Variants in MYRIP observed in about 807,000 individuals in gnomAD.
MYRIP encodes myosin VIIA and Rab interacting protein.
Under a neutral mutation model 98.0 loss-of-function variants are expected in MYRIP, and 49 were observed. The ratio of observed to expected loss-of-function variants is 0.50; its 90% CI spans 0.40 to 0.63. The LOEUF is 0.63. Ranked by LOEUF, MYRIP falls within the 30% of genes least tolerant of loss-of-function variation. The pLI is 0.00. For missense variants in MYRIP, 1,004 were observed against 1,058.2 expected (o/e 0.95, Z 0.71); for synonymous variants, 404 against 409.5 (o/e 0.99, Z 0.16).
chr3:40,042,868 G>C (rs568629285), intron 2 of MYRIP, among the ~76,000 whole-genome samples: 26 of 152,228 alleles, frequency 1.7e-4, no homozygotes, highest in Non-Finnish European at 8.8e-5. Flanking sequence ...GCTTAGCCCA[G>C]CCAACTTAAA....
intron 1 of MYRIP, among the ~76,000 whole-genome samples, chr3:39,817,580 CA>C (rs1338478570): frequency 2.6e-5 from 4 of 152,034 alleles, no homozygotes; most frequent in Non-Finnish European, 5.9e-5. Flanking sequence ...TTCAGTATAT[CA>C]AATATACTTT....
rs533286924 is a variant in MYRIP at position 39,969,550 on chromosome 3, G to A, written c.110+68624G>A. Among the ~76,000 whole-genome samples, 11 of 152,174 alleles carry A rather than the reference G, an allele frequency of 7.2e-5. No individual in the cohort carries two copies. The South Asian group carries it at 2.3e-3, about 32-fold the overall frequency. ...ATATGAAGGGGTATTGAATTTTATT[G>A]AAAGCTTTTTCTGGGTCTATTGAGA... On this transcript the variant is annotated intron_variant, in intron 2 of 16. Transcript: ENST00000302541.
intron 2 of MYRIP, among the ~76,000 whole-genome samples, chr3:40,039,651 A>G (rs1947465785): frequency 2.0e-5 from 3 of 152,140 alleles, no homozygotes; most frequent in Admixed American, 2.0e-4. Context: ...TTTAACTAGA[A>G]GAGGTTACGA....
intron 11 of MYRIP, among the ~76,000 whole-genome samples, chr3:40,232,608 C>T (rs1559467866): frequency 6.6e-6 from 1 of 152,150 alleles, no homozygotes; most frequent in Non-Finnish European, 1.5e-5. Context: ...TTCTAATTTA[C>T]AAATGATGTG....
chr3:39,868,837 TC>T (rs1942700538), intron 1 of MYRIP, among the ~76,000 whole-genome samples: 2 of 152,162 alleles, frequency 1.3e-5, no homozygotes, highest in Non-Finnish European at 2.9e-5. Context: ...GGGTTGATAG[TC>T]TTTTTCTTTC....
chr3:40,228,482 C>G (rs911796291), intron 11 of MYRIP, among the ~76,000 whole-genome samples: 1 of 152,196 alleles, frequency 6.6e-6, no homozygotes, highest in South Asian at 2.1e-4. Flanking sequence ...GGTAAGGAGG[C>G]CCTTCACAAG....
intron 1 of MYRIP, among the ~76,000 whole-genome samples, chr3:39,870,531 T>G (rs1160865502): frequency 1.3e-5 from 2 of 152,230 alleles, no homozygotes; most frequent in Non-Finnish European, 2.9e-5. Context: ...TTTTTCTTTT[T>G]TTTTGGGTTT....
At chr3:40,166,595 G>A (rs1950504729) in intron 5 of MYRIP, among the ~76,000 whole-genome samples, 1 of 152,150 alleles carries the variant, frequency 6.6e-6, no homozygotes, top group Non-Finnish European at 1.5e-5. Context: ...TGGAGCAAGA[G>A]TCTAGGAGGG....
At chr3:40,142,017 C>T (rs950869145) in intron 3 of MYRIP, among the ~76,000 whole-genome samples, 1 of 147,996 alleles carries the variant, frequency 6.8e-6, no homozygotes. Flanking sequence ...TGCATTGAAC[C>T]TATAGATTGC....
In MYRIP at chr3:40,211,461, C is replaced by A. The variant is rs60359196; in HGVS notation, c.1905+1368C>A. Among the ~76,000 whole-genome samples the A allele has an allele frequency of 5.4e-3, 826 of 152,278 alleles. 1 individual carries two copies. Among genetic ancestry groups the A allele is most frequent in the African/African-American group, 0.018 (751 of 41,546 alleles). On this transcript the variant is annotated intron_variant, in intron 11 of 16. Transcript: ENST00000302541. ...ACTTTTCCCATCCCACCCTCCATAA[C>A]CATCAAGTCCTCACCCATAAATCTT...
At chr3:39,986,325 C>T (rs11720571) in intron 2 of MYRIP, among the ~76,000 whole-genome samples, 76,472 of 151,840 alleles carry the variant, frequency 0.5, 20,986 homozygotes, top group African/African-American at 0.75. Flanking sequence ...CTTCTTTTCC[C>T]AGTTTATTGA....
At chr3:39,895,245 G>A (rs1184786967) in intron 1 of MYRIP, among the ~76,000 whole-genome samples, 3 of 151,392 alleles carry the variant, frequency 2.0e-5, no homozygotes, top group Non-Finnish European at 4.4e-5. Context: ...GAAGTGCAGT[G>A]GCGCGATCTC....
At chr3:39,957,214 G>C (rs139786980) in intron 2 of MYRIP, among the ~76,000 whole-genome samples, 3 of 151,720 alleles carry the variant, frequency 2.0e-5, no homozygotes, top group Non-Finnish European at 4.4e-5. Context: ...AAGCCTGACA[G>C]GGACACACCA....
At chr3:40,149,008 CT>C (rs1689487151) in intron 3 of MYRIP, among the ~76,000 whole-genome samples, 1 of 152,170 alleles carries the variant, frequency 6.6e-6, no homozygotes, top group Admixed American at 6.5e-5. Flanking sequence ...TGTATGATAT[CT>C]GATGGGCAGG....
intron 2 of MYRIP, among the ~76,000 whole-genome samples, chr3:39,975,488 A>G (rs1340180646): frequency 1.3e-5 from 2 of 151,984 alleles, no homozygotes; most frequent in Admixed American, 6.6e-5. Flanking sequence ...TAATTTACAG[A>G]TTCAATGCCA....
chr3:39,940,030 A>G (rs1277135325), intron 2 of MYRIP, among the ~76,000 whole-genome samples: 1 of 152,156 alleles, frequency 6.6e-6, no homozygotes, highest in Non-Finnish European at 1.5e-5. Context: ...ATGAGGTGCT[A>G]AAGAACTGCA....
chr3:40,111,850 G>A (rs1325733805), intron 3 of MYRIP, among the ~76,000 whole-genome samples: 2 of 152,178 alleles, frequency 1.3e-5, no homozygotes, highest in African/African-American at 4.8e-5. Context: ...TCCAGGAGTT[G>A]AAGAGAAAGT....
At chr3:39,989,166 T>A (rs1946109092) in intron 2 of MYRIP, among the ~76,000 whole-genome samples, 1 of 152,156 alleles carries the variant, frequency 6.6e-6, no homozygotes, top group Non-Finnish European at 1.5e-5. Flanking sequence ...CTAATATTGA[T>A]CTTTGTGGCT....
chr3:39,864,488 C>T (rs958115593), intron 1 of MYRIP, among the ~76,000 whole-genome samples: 12 of 152,126 alleles, frequency 7.9e-5, no homozygotes, highest in Non-Finnish European at 1.8e-4. Flanking sequence ...AAGTCACTAG[C>T]ATTCCTATAC....
Sources: allele counts gnomAD v4.1 joint callset (sites outside exome capture counted in the v4.1 genomes callset), GRCh38; gene constraint gnomAD v4.1.1; transcripts MANE v1.5; gene names NCBI Gene and HGNC (gene_info 2026-07-23, HGNC 2026-07-21).